The following PDZD2 variants were observed in gnomAD, a reference collection of about 807,000 sequenced individuals.
The protein encoded by PDZD2 is PDZ domain containing 2.
Under a neutral mutation model 220.7 loss-of-function variants are expected in PDZD2, and 90 were observed. The ratio of observed to expected loss-of-function variants is 0.41; its 90% CI spans 0.34 to 0.49. PDZD2 has a LOEUF of 0.49. PDZD2 is among the 20% of genes least tolerant of loss of function. The probability of loss-of-function intolerance (pLI) is 0.28; values close to 1 mark genes in which losing one functional copy is unlikely to be tolerated. For synonymous variants in PDZD2, 1,375 were observed against 1,450.5 expected (o/e 0.95, Z 1.18); for missense variants, 3,174 against 3,608.5 (o/e 0.88, Z 3.08).
At chr5:31,890,255 C>A (rs185469399) in intron 2 of PDZD2, among the ~76,000 whole-genome samples, 1 of 151,036 alleles carries the variant, frequency 6.6e-6, no homozygotes, top group East Asian at 2.0e-4. Context: ...ACGGCAGCCA[C>A]TAGCCACGTG....
intron 2 of PDZD2, among the ~76,000 whole-genome samples, chr5:31,871,175 T>G (rs1038347947): frequency 3.9e-5 from 6 of 152,198 alleles, no homozygotes; most frequent in Non-Finnish European, 8.8e-5. Flanking sequence ...CCTTAGATCT[T>G]AAGTGTATCA....
rs1239671325 is a variant in PDZD2, at chr5:32,091,093, A to C, written c.7645A>C (p.Ser2549Arg). The C allele has an allele frequency of 6.2e-7, 1 of 1,606,322 alleles. No individual in the cohort carries two copies. Among genetic ancestry groups the C allele is most frequent in the East Asian group, 2.2e-5 (1 of 44,620 alleles). ...TCCAGGAGGAAGTGGCCCTAAAACCAGTGCTGCTGAGACACCCAGTTCAGC... is the reference window on the plus strand; with the variant it reads ...TCCAGGAGGAAGTGGCCCTAAAACCCGTGCTGCTGAGACACCCAGTTCAGC... ...ACPGGSGPKT[S>R]AAETPSSASD... is the part of the protein sequence containing the mutation. The change falls in exon 20 of 25, where the codon AGT becomes CGT. Residue 2549 changes from serine to arginine, a missense_variant. By Grantham distance (110) the Ser-to-Arg change is moderately radical. Around this residue, in one of 4 missense-constraint regions of PDZD2, gnomAD observed 631 missense variants for 789.9 expected, o/e 0.80. Coordinates refer to ENST00000438447, the MANE Select transcript of PDZD2 (RefSeq NM_178140.4).
chr5:32,041,703 G>A (rs915636227), intron 7 of PDZD2, among the ~76,000 whole-genome samples: 1 of 151,864 alleles, frequency 6.6e-6, no homozygotes, highest in African/African-American at 2.4e-5. Context: ...CACAAACACT[G>A]CGGAAGGCCA....
At chr5:31,992,864 G>A (rs1349843742) in intron 3 of PDZD2, among the ~76,000 whole-genome samples, 33 of 140,448 alleles carry the variant, frequency 2.3e-4, no homozygotes, top group African/African-American at 2.9e-4. Flanking sequence ...CTCTTCCATG[G>A]AAAAAAAAAA....
At chr5:31,789,938 CCA>C (rs1202410756) in intron 1 of PDZD2, among the ~76,000 whole-genome samples, 1 of 151,884 alleles carries the variant, frequency 6.6e-6, no homozygotes. Context: ...AAAAAAAATT[CCA>C]TTTATAAAAG....
At chr5:32,062,393 A>ATTTTTT (rs35709661) in intron 14 of PDZD2, among the ~76,000 whole-genome samples, 21 of 141,262 alleles carry the variant, frequency 1.5e-4, no homozygotes, top group African/African-American at 5.5e-4. Context: ...TCAAGACTAA[A>ATTTTTT]TTTTTTTTTT....
chr5:32,004,919 T>C (rs1320679158), intron 5 of PDZD2, among the ~76,000 whole-genome samples: 2 of 152,222 alleles, frequency 1.3e-5, no homozygotes, highest in Non-Finnish European at 2.9e-5. Context: ...TACTGAGCTG[T>C]GGTGCTGAAG....
chr5:31,746,167 T>C (rs112886582), intron 1 of PDZD2, among the ~76,000 whole-genome samples: 1,585 of 152,308 alleles, frequency 0.01, 25 homozygotes, highest in African/African-American at 0.036. Context: ...AGAATAATCT[T>C]GGCTTTGGCC....
At chr5:31,921,699 A>T (rs906566489) in intron 2 of PDZD2, among the ~76,000 whole-genome samples, 32 of 150,742 alleles carry the variant, frequency 2.1e-4, no homozygotes, top group African/African-American at 6.3e-4. Context: ...CAAAAAAAAA[A>T]TTTTTTTTTT....
At position 31,896,346 on chromosome 5, in the gene PDZD2, G is replaced by C. The variant is rs571451301; in HGVS notation, c.477-86809G>C. On this transcript the variant is annotated intron_variant, in intron 2 of 24. Coordinates refer to ENST00000438447, the MANE Select transcript of PDZD2 (RefSeq NM_178140.4). ...CTCGTGTGTGTGTGTGTGTGTGTGTGTGTGTGTGTGTGTGTGTGTGTATGT... is the reference window on the plus strand; with the variant it reads ...CTCGTGTGTGTGTGTGTGTGTGTGTCTGTGTGTGTGTGTGTGTGTGTATGT... Among the ~76,000 whole-genome samples the C allele has an allele frequency of 4.4e-4, 66 of 150,904 alleles. No individual in the cohort carries two copies. The South Asian group carries it at 8.3e-3, about 19-fold the overall frequency.
At chr5:32,022,302 A>G (rs1240736370) in intron 6 of PDZD2, among the ~76,000 whole-genome samples, 1 of 149,090 alleles carries the variant, frequency 6.7e-6, no homozygotes, top group Non-Finnish European at 1.5e-5. Flanking sequence ...GGTTCAAGCA[A>G]TTCTCCTGCC....
intron 10 of PDZD2, among the ~76,000 whole-genome samples, chr5:32,054,312 C>CTTTTTTT (rs57135705): frequency 0.049 from 3,415 of 69,282 alleles, 614 homozygotes; most frequent in Middle Eastern, 0.081. Flanking sequence ...AAATGAACAT[C>CTTTTTTT]TTTTTTTTTT....
intron 2 of PDZD2, among the ~76,000 whole-genome samples, chr5:31,837,311 C>G (rs1196816090): frequency 1.6e-4 from 24 of 152,144 alleles, no homozygotes; most frequent in Admixed American, 1.6e-3. Flanking sequence ...CTTTGGGTAC[C>G]AGGGGGAGCA....
intron 21 of PDZD2, 106 bp from the exon 22 acceptor site, chr5:32,097,173 G>A (rs536658364): frequency 1.3e-6 from 1 of 746,680 alleles, no homozygotes; most frequent in Non-Finnish European, 2.4e-6. Flanking sequence ...CCCTCCAAGA[G>A]GACTGACATC....
At chr5:31,891,474 C>G (rs1165522244) in intron 2 of PDZD2, among the ~76,000 whole-genome samples, 2 of 152,186 alleles carry the variant, frequency 1.3e-5, no homozygotes, top group Non-Finnish European at 2.9e-5. Flanking sequence ...TGCCACCACG[C>G]CCAGCTAATT....
At chr5:31,967,056 A>G (rs182633886) in intron 2 of PDZD2, among the ~76,000 whole-genome samples, 306 of 152,330 alleles carry the variant, frequency 2.0e-3, no homozygotes, top group Non-Finnish European at 3.7e-3. Context: ...AAATTCAGAA[A>G]AGAAGCCCAC....
chr5:31,642,294 G>A (rs1387000562), intron 1 of PDZD2, among the ~76,000 whole-genome samples: 3 of 152,182 alleles, frequency 2.0e-5, no homozygotes, highest in African/African-American at 7.2e-5. Flanking sequence ...CACCAGGGAG[G>A]ATGCTGAGGT....
intron 2 of PDZD2, among the ~76,000 whole-genome samples, chr5:31,929,138 G>A (rs1396884280): frequency 2.6e-5 from 4 of 152,196 alleles, no homozygotes; most frequent in Non-Finnish European, 4.4e-5. Context: ...GCTCAGCGTC[G>A]TGGAGTTTTG....
intron 1 of PDZD2, among the ~76,000 whole-genome samples, chr5:31,738,942 G>A (rs1750074361): frequency 6.6e-6 from 1 of 151,632 alleles, no homozygotes; most frequent in African/African-American, 2.4e-5. Flanking sequence ...CTGGAGTGCA[G>A]TGGCACCATC....
Sources: allele counts gnomAD v4.1 joint callset (sites outside exome capture counted in the v4.1 genomes callset), GRCh38; gene constraint gnomAD v4.1.1; regional missense constraint gnomAD v4.1.1; transcripts MANE v1.5; gene names NCBI Gene and HGNC (gene_info 2026-07-23, HGNC 2026-07-21).